The following PHACTR1 variants were observed in gnomAD, a reference collection of about 807,000 sequenced individuals.
The protein encoded by PHACTR1 is phosphatase and actin regulator 1, also known as RPEL repeat containing 1.
In PHACTR1, 16 loss-of-function variants were observed where a neutral mutation model predicts 69.2. The ratio of observed to expected loss-of-function variants is 0.23; its 90% CI spans 0.16 to 0.35. PHACTR1 has a LOEUF of 0.35. Ranked by LOEUF, PHACTR1 falls within the 10% of genes least tolerant of loss-of-function variation. PHACTR1 has a pLI of 1.00. For missense variants in PHACTR1, 510 were observed against 734.7 expected (o/e 0.69, Z 3.54); for synonymous variants, 312 against 284.5 (o/e 1.10, Z -0.97).
chr6:12,844,537 G>T (rs1007010559), intron 4 of PHACTR1, among the ~76,000 whole-genome samples: 1 of 152,092 alleles, frequency 6.6e-6, no homozygotes, highest in South Asian at 2.1e-4. Context: ...AGTTCTATGC[G>T]TACAGGACAC....
chr6:12,772,667 G>C (rs187639269), intron 4 of PHACTR1, among the ~76,000 whole-genome samples: 9 of 152,216 alleles, frequency 5.9e-5, no homozygotes, highest in African/African-American at 2.2e-4. Context: ...GTACTTGGGC[G>C]TGGATCTCAT....
chr6:12,833,433 A>G (rs1245660480), intron 4 of PHACTR1, among the ~76,000 whole-genome samples: 1 of 151,522 alleles, frequency 6.6e-6, no homozygotes, highest in African/African-American at 2.4e-5. Flanking sequence ...TAATTTTTGT[A>G]TTTTTAGTTG....
At chr6:12,851,348 C>T (rs1324479185) in intron 4 of PHACTR1, among the ~76,000 whole-genome samples, 1 of 152,134 alleles carries the variant, frequency 6.6e-6, no homozygotes, top group Non-Finnish European at 1.5e-5. Context: ...TAAGGGAATG[C>T]AAGGAAATGC....
chr6:13,083,141 C>T (rs1811681764), intron 5 of PHACTR1, among the ~76,000 whole-genome samples: 2 of 152,176 alleles, frequency 1.3e-5, no homozygotes, highest in South Asian at 4.1e-4. Context: ...AGGAAGGGAT[C>T]CAGTTTCAGC....
chr6:12,879,320 AGCG>A (rs1178058102), intron 4 of PHACTR1, among the ~76,000 whole-genome samples: 18 of 152,192 alleles, frequency 1.2e-4, no homozygotes, highest in Non-Finnish European at 2.1e-4. Context: ...ATTGAGAACA[AGCG>A]TGGAATAAAA....
chr6:13,189,825 G>T (rs893694421), intron 7 of PHACTR1, among the ~76,000 whole-genome samples: 10 of 152,040 alleles, frequency 6.6e-5, no homozygotes, highest in Non-Finnish European at 1.5e-4. Context: ...TTGGGCTGCC[G>T]CAACTAAAGA....
At chr6:13,063,405 G>A (rs1043810678) in intron 5 of PHACTR1, among the ~76,000 whole-genome samples, 1 of 152,162 alleles carries the variant, frequency 6.6e-6, no homozygotes, top group African/African-American at 2.4e-5. Context: ...TGCATGTGAG[G>A]AAATCTCTCC....
intron 5 of PHACTR1, among the ~76,000 whole-genome samples, chr6:13,135,948 A>G (rs1256301401): frequency 6.6e-6 from 1 of 152,032 alleles, no homozygotes; most frequent in East Asian, 1.9e-4. Context: ...ATAGTGGAGG[A>G]AAAAAAAGTC....
At chr6:12,948,873 CTTTG>C (rs1156824803) in intron 4 of PHACTR1, among the ~76,000 whole-genome samples, 5 of 151,992 alleles carry the variant, frequency 3.3e-5, no homozygotes, top group African/African-American at 7.2e-5. Context: ...AGCTGTTTTT[CTTTG>C]TTTGTGTGGA....
intron 4 of PHACTR1, chr6:12,957,389 G>A (rs11756003): frequency 0.15 from 149,963 of 985,120 alleles, 12,009 homozygotes; most frequent in African/African-American, 0.26. Flanking sequence ...GGGGACGGCC[G>A]AGGCAGGTCG....
At chr6:13,082,889 T>C (rs1811641331) in intron 5 of PHACTR1, among the ~76,000 whole-genome samples, 1 of 152,212 alleles carries the variant, frequency 6.6e-6, no homozygotes, top group Non-Finnish European at 1.5e-5. Context: ...TCCCATTCTG[T>C]AGGTTGCCTG....
At chr6:12,837,045 A>G (rs1214146534) in intron 4 of PHACTR1, among the ~76,000 whole-genome samples, 1 of 152,010 alleles carries the variant, frequency 6.6e-6, no homozygotes, top group African/African-American at 2.4e-5. Context: ...GCTTCCTCCC[A>G]TCTCTTTGCT....
chr6:12,987,926 GT>G lies in PHACTR1; in HGVS notation c.251-65437del, dbSNP rs376373365. Among the ~76,000 whole-genome samples the G allele has an allele frequency of 2.5e-4, 38 of 152,314 alleles. 1 individual carries two copies. The highest frequency in any genetic ancestry group is 8.7e-4 in the African/African-American group (36 of 41,576). On this transcript the variant is annotated intron_variant, in intron 4 of 14. Coordinates refer to ENST00000332995, the MANE Select transcript of PHACTR1 (RefSeq NM_030948.6). ...CAGTCCCCACTATGACTGCATGGAT[GT>G]TGTGAATTTTCCAGCACTTGTGCTA...
At chr6:12,724,145 T>A (rs1003828365) in intron 3 of PHACTR1, among the ~76,000 whole-genome samples, 1 of 152,000 alleles carries the variant, frequency 6.6e-6, no homozygotes, top group African/African-American at 2.4e-5. Flanking sequence ...CTAGCCAACA[T>A]GGTGAAACCT....
chr6:13,105,989 G>C (rs1816063901), intron 5 of PHACTR1, among the ~76,000 whole-genome samples: 1 of 152,156 alleles, frequency 6.6e-6, no homozygotes, highest in Non-Finnish European at 1.5e-5. Context: ...AAGCTATAGG[G>C]TGTGAGTTAT....
intron 10 of PHACTR1, 167 bp downstream of exon 10, chr6:13,230,360 T>C (rs1562034957): frequency 7.0e-7 from 1 of 1,428,372 alleles, no homozygotes; most frequent in Admixed American, 2.2e-5. Flanking sequence ...AAGACCAGCC[T>C]GGCCAACATG....
At chr6:13,258,155 C>G (rs1295838973) in intron 10 of PHACTR1, among the ~76,000 whole-genome samples, 1 of 151,992 alleles carries the variant, frequency 6.6e-6, no homozygotes, top group Non-Finnish European at 1.5e-5. Flanking sequence ...GTCAGGAGTT[C>G]GAGACCAGCC....
intron 4 of PHACTR1, among the ~76,000 whole-genome samples, chr6:12,989,188 C>T (rs749668440): frequency 2.0e-5 from 3 of 152,186 alleles, no homozygotes; most frequent in Non-Finnish European, 4.4e-5. Context: ...CATCTATTCA[C>T]TAATTTTCCA....
Position 13,283,695 on chromosome 6 carries a change from C to A in PHACTR1, c.1650+133C>A. 1 of 1,300,448 alleles carries A rather than the reference C, an allele frequency of 7.7e-7. No homozygotes were observed. The highest frequency in any genetic ancestry group is 1.1e-6 in the Non-Finnish European group (1 of 923,482). 80.6% of individuals were successfully genotyped at this position (1,300,448 alleles called of 1,614,324 possible). A position where few individuals can be genotyped will look rare whatever the true frequency, so the allele number is the denominator to read the frequency against. On this transcript the variant is annotated intron_variant, in intron 13 of 14. Coordinates refer to ENST00000332995, the MANE Select transcript of PHACTR1 (RefSeq NM_030948.6). The surrounding 1 kb of genome is among the most constrained non-coding windows in gnomAD (Gnocchi z 4.7). Reference sequence around the variant, plus strand: ...CAGTCCCCATAATGGAGTGTTGAGACCCCAACACCTTTCCCCAGGGGCCAC... The same window carrying A: ...CAGTCCCCATAATGGAGTGTTGAGAACCCAACACCTTTCCCCAGGGGCCAC...
Sources: gnomAD v4.1 joint callset for allele counts (sites outside exome capture counted in the v4.1 genomes callset) on GRCh38, gnomAD v4.1.1 for gene constraint, Gnocchi (gnomAD v3.1) non-coding constraint, MANE v1.5 for transcripts, NCBI Gene and HGNC (gene_info 2026-07-23, HGNC 2026-07-21) for gene names.